The following SNTG2 variants were observed in gnomAD, a reference collection of about 807,000 sequenced individuals.
SNTG2 encodes the protein gamma-2-syntrophin.
Under a neutral mutation model 70.9 loss-of-function variants are expected in SNTG2, and 74 were observed. The observed-to-expected ratio is 1.04, with a 90% CI of 0.86 to 1.27. The LOEUF is 1.27. Among genes scored for constraint, SNTG2 ranks in the 50% most tolerant of loss-of-function variants. The pLI is 0.00. For missense variants in SNTG2, 717 were observed against 690.7 expected, an observed-to-expected ratio of 1.04 and a Z score of -0.43; for synonymous variants, 278 against 273.8, an observed-to-expected ratio of 1.02 and a Z score of -0.15.
At chr2:1,134,185 AAG>A (rs1668208623) in intron 4 of SNTG2, among the ~76,000 whole-genome samples, 1 of 152,138 alleles carries the variant, frequency 6.6e-6, no homozygotes, top group African/African-American at 2.4e-5. Flanking sequence ...CGTGGACCCA[AAG>A]AGTGAGCAGC....
intron 14 of SNTG2, among the ~76,000 whole-genome samples, chr2:1,307,854 C>T (rs1680773637): frequency 6.6e-6 from 1 of 152,238 alleles, no homozygotes. Flanking sequence ...GAACCCAACC[C>T]GGGCTTCCCC....
chr2:1,116,199 G>T (rs1666954891), intron 4 of SNTG2, among the ~76,000 whole-genome samples: 1 of 152,076 alleles, frequency 6.6e-6, no homozygotes, highest in Non-Finnish European at 1.5e-5. Context: ...GGGTTTTAGG[G>T]CTTTCTTTCT....
chr2:1,254,413 T>G (rs1677932161), intron 12 of SNTG2, among the ~76,000 whole-genome samples: 1 of 152,232 alleles, frequency 6.6e-6, no homozygotes, highest in African/African-American at 2.4e-5. Context: ...TTTTCAAACA[T>G]CATTAAAATG....
rs576407784 is a variant in SNTG2, at chr2:1,267,421, T to G, written c.1134T>G (p.Asp378Glu). ...LQANLYLGLQ[D>E]FDFEDQRPYC... ...CAAACTTGTATCTGGGTCTTCAAGA[T>G]TTTGACTTTGAGGACCAGAGGCCCT... The change falls in exon 14 of 17, where the codon GAT (aspartate) becomes GAG (glutamate). Residue 378 changes from aspartate (D) to glutamate (E), a missense_variant. By Grantham distance (45) the Asp-to-Glu change is conservative. Transcript: ENST00000308624. The G allele has an allele frequency of 5.5e-5, 89 of 1,611,710 alleles. No individual in the cohort carries two copies. Among genetic ancestry groups the G allele is most frequent in the Non-Finnish European group, 7.0e-5 (82 of 1,179,022 alleles).
At chr2:1,350,815 A>C (rs1456032272) in intron 16 of SNTG2, among the ~76,000 whole-genome samples, 1 of 152,216 alleles carries the variant, frequency 6.6e-6, no homozygotes, top group African/African-American at 2.4e-5. Flanking sequence ...CCAACAGGCT[A>C]TAATGACTAG....
intron 1 of SNTG2, among the ~76,000 whole-genome samples, chr2:1,083,138 TAA>T (rs1178465498): frequency 6.7e-6 from 1 of 150,120 alleles, no homozygotes; most frequent in African/African-American, 2.4e-5. Flanking sequence ...TTATGAATCT[TAA>T]AAACTATCAT....
chr2:970,121 A>G (rs1440552264), intron 1 of SNTG2, among the ~76,000 whole-genome samples: 1 of 152,134 alleles, frequency 6.6e-6, no homozygotes, highest in African/African-American at 2.4e-5. Context: ...TGAGATGATC[A>G]TGTGGTTTTG....
In SNTG2 at chr2:1,143,657, G is replaced by T. The variant is rs941154239; in HGVS notation, c.411+5848G>T. Among the ~76,000 whole-genome samples, 7 of 146,204 alleles carry T rather than the reference G, an allele frequency of 4.8e-5. No homozygotes were observed. The South Asian group carries it at 8.9e-4, about 19-fold the overall frequency. On this transcript the variant is annotated intron_variant, in intron 6 of 16. Coordinates refer to ENST00000308624, the MANE Select transcript of SNTG2 (RefSeq NM_018968.4). The stretch of plus-strand genomic sequence containing the variant: ...GGCCGAGGCAGGTGGATTACTTAAG[G>T]TCAGGAGTTCGAGGCCAGCCTGGTC...
At chr2:991,993 C>T (rs1251970373) in intron 1 of SNTG2, among the ~76,000 whole-genome samples, 1 of 151,954 alleles carries the variant, frequency 6.6e-6, no homozygotes, top group Non-Finnish European at 1.5e-5. Context: ...CCACTATGAC[C>T]CAGCATGCAC....
Position 997,218 on chromosome 2 carries a change from G to A in SNTG2, c.72+46150G>A, listed in dbSNP as rs550253116. Among the ~76,000 whole-genome samples the A allele has an allele frequency of 3.6e-3, 549 of 152,294 alleles. 4 individuals carry two copies. The highest frequency in any genetic ancestry group is 0.012 in the African/African-American group (483 of 41,570). On this transcript the variant is annotated intron_variant, in intron 1 of 16. Transcript: ENST00000308624. ...GGATATGAGAACATGTACTGGGGGC[G>A]TGACAAGCTCTAGGTTAAGCTGGGT...
chr2:1,049,570 A>G (rs895324952), intron 1 of SNTG2, among the ~76,000 whole-genome samples: 1 of 152,216 alleles, frequency 6.6e-6, no homozygotes, highest in Admixed American at 6.5e-5. Flanking sequence ...GTTGATTCCA[A>G]GTTTTTGCAA....
intron 4 of SNTG2, among the ~76,000 whole-genome samples, chr2:1,106,115 G>C (rs1200346895): frequency 3.2e-5 from 4 of 126,578 alleles, no homozygotes; most frequent in African/African-American, 1.2e-4. Context: ...GAGCTCCTTG[G>C]TAATAGTGGA....
intron 8 of SNTG2, among the ~76,000 whole-genome samples, chr2:1,174,201 T>C (rs920425641): frequency 2.6e-5 from 4 of 152,166 alleles, no homozygotes; most frequent in Non-Finnish European, 5.9e-5. Flanking sequence ...TGTGCAGTCT[T>C]CCATACTCCA....
chr2:1,173,415 T>C (rs1671259354), intron 8 of SNTG2, among the ~76,000 whole-genome samples: 1 of 152,236 alleles, frequency 6.6e-6, no homozygotes, highest in Non-Finnish European at 1.5e-5. Context: ...ATTCACAGCA[T>C]CTCAGTGAGC....
rs371119596 is a variant in SNTG2, at chr2:1,072,700, A to C, written c.73-10818A>C. Among the ~76,000 whole-genome samples the C allele has an allele frequency of 1.9e-4, 29 of 152,162 alleles. No homozygotes were observed. The East Asian group carries it at 2.5e-3, about 13-fold the overall frequency. On this transcript the variant is annotated intron_variant, in intron 1 of 16. Coordinates refer to ENST00000308624, the MANE Select transcript of SNTG2 (RefSeq NM_018968.4). Reference sequence around the variant, plus strand: ...TGACTTCAAGTTTTATTATTTAAGAAATACATCTCATAAAGTTATAGCCGC... The same window carrying C: ...TGACTTCAAGTTTTATTATTTAAGACATACATCTCATAAAGTTATAGCCGC...
chr2:1,354,091 G>A (rs1290369705), intron 16 of SNTG2, among the ~76,000 whole-genome samples: 1 of 152,224 alleles, frequency 6.6e-6, no homozygotes, highest in Non-Finnish European at 1.5e-5. Flanking sequence ...ACTGTGCCAA[G>A]ATGTGGGTCA....
intron 1 of SNTG2, among the ~76,000 whole-genome samples, chr2:1,063,919 A>G (rs1394021551): frequency 1.3e-5 from 2 of 152,254 alleles, no homozygotes; most frequent in Non-Finnish European, 2.9e-5. Flanking sequence ...AGTTATCAGT[A>G]CATGTCCTGA....
chr2:1,355,914 G>C (rs1296332366), intron 16 of SNTG2, among the ~76,000 whole-genome samples: 1 of 152,136 alleles, frequency 6.6e-6, no homozygotes, highest in Non-Finnish European at 1.5e-5. Flanking sequence ...TCTCAGTGTG[G>C]TTTTGATTTG....
At chr2:959,257 C>T (rs952494052) in intron 1 of SNTG2, among the ~76,000 whole-genome samples, 7 of 152,102 alleles carry the variant, frequency 4.6e-5, no homozygotes, top group Non-Finnish European at 7.4e-5. Flanking sequence ...ATGTGAATTA[C>T]GTGCTTTGTA....
Sources: gnomAD v4.1 joint callset for allele counts (sites outside exome capture counted in the v4.1 genomes callset) on GRCh38, gnomAD v4.1.1 for gene constraint, MANE v1.5 for transcripts, NCBI Gene and HGNC (gene_info 2026-07-23, HGNC 2026-07-21) for gene names.